RFTN2: variants seen among roughly 807,000 people sequenced by gnomAD.
RFTN2 encodes the protein raftlin-2.
Under a neutral mutation model 52.7 loss-of-function variants are expected in RFTN2, and 34 were observed. The ratio of observed to expected loss-of-function variants is 0.64; its 90% CI spans 0.49 to 0.86. RFTN2 has a LOEUF of 0.86. RFTN2 is among the 40% of genes least tolerant of loss of function. RFTN2 has a pLI of 0.00. For missense variants in RFTN2, 536 were observed against 600.1 expected (o/e 0.89, Z 1.12); for synonymous variants, 203 against 217.7 (o/e 0.93, Z 0.59).
At chr2:197,648,458 T>C (rs979096310) in intron 1 of RFTN2, among the ~76,000 whole-genome samples, 5 of 152,240 alleles carry the variant, frequency 3.3e-5, no homozygotes, top group African/African-American at 1.2e-4. Flanking sequence ...CAGCTCTGCT[T>C]GTTGGTGTGG....
chr2:197,591,913 C>T (rs1420969079), intron 8 of RFTN2, among the ~76,000 whole-genome samples: 1 of 149,784 alleles, frequency 6.7e-6, no homozygotes, highest in Non-Finnish European at 1.5e-5. Context: ...TGGTTCCTGC[C>T]CCGTGCCTCT....
chr2:197,648,797 T>C (rs539223124), intron 1 of RFTN2, among the ~76,000 whole-genome samples: 3 of 152,242 alleles, frequency 2.0e-5, no homozygotes, highest in Non-Finnish European at 4.4e-5. Context: ...TTTCTGAACC[T>C]GCCACTCTGT....
At chr2:197,665,437 G>A (rs974056339) in intron 1 of RFTN2, among the ~76,000 whole-genome samples, 1 of 148,858 alleles carries the variant, frequency 6.7e-6, no homozygotes, top group African/African-American at 2.5e-5. Flanking sequence ...GAATCTGGGT[G>A]CTCCAGTGTT....
intron 8 of RFTN2, among the ~76,000 whole-genome samples, chr2:197,580,086 T>G (rs780581617): frequency 2.5e-4 from 38 of 152,140 alleles, no homozygotes; most frequent in Non-Finnish European, 4.7e-4. Flanking sequence ...AACCCTTAGA[T>G]GCTTTACCGC....
chr2:197,648,884 C>T (rs2088788633), intron 1 of RFTN2, among the ~76,000 whole-genome samples: 1 of 152,160 alleles, frequency 6.6e-6, no homozygotes, highest in Admixed American at 6.5e-5. Flanking sequence ...GGCTGCATGT[C>T]CTTCTATTAG....
At chr2:197,626,614 C>CTTTTTTT (rs201711932) in intron 5 of RFTN2, among the ~76,000 whole-genome samples, 9 of 97,648 alleles carry the variant, frequency 9.2e-5, no homozygotes, top group African/African-American at 1.3e-4. Context: ...AAGGAATAAT[C>CTTTTTTT]TTCTTTTTTT....
At chr2:197,660,824 G>C (rs921920258) in intron 1 of RFTN2, among the ~76,000 whole-genome samples, 3 of 152,120 alleles carry the variant, frequency 2.0e-5, no homozygotes, top group African/African-American at 7.2e-5. Context: ...CTCCCAAAAT[G>C]CTGGGATTAC....
chr2:197,594,938 A>G (rs1266627237), intron 8 of RFTN2, among the ~76,000 whole-genome samples: 1 of 152,192 alleles, frequency 6.6e-6, no homozygotes, highest in African/African-American at 2.4e-5. Flanking sequence ...TCTTTTTTCA[A>G]ATCTCTGCAG....
At chr2:197,640,070 C>A (rs1202339147) in intron 3 of RFTN2, among the ~76,000 whole-genome samples, 9 of 152,192 alleles carry the variant, frequency 5.9e-5, no homozygotes, top group Non-Finnish European at 1.2e-4. Context: ...GGGTCAGGGA[C>A]CCACTTGAGG....
At chr2:197,590,628 G>A (rs1315065835) in intron 8 of RFTN2, among the ~76,000 whole-genome samples, 1 of 152,190 alleles carries the variant, frequency 6.6e-6, no homozygotes, top group Admixed American at 6.5e-5. Context: ...GGTTCTTAAA[G>A]GCGGCGTGTC....
At chr2:197,580,179 C>A (rs958604275) in intron 8 of RFTN2, among the ~76,000 whole-genome samples, 5 of 152,084 alleles carry the variant, frequency 3.3e-5, no homozygotes, top group Non-Finnish European at 7.4e-5. Context: ...TAAAAAAAAG[C>A]CCCCCAAATT....
Position 197,675,392 on chromosome 2 carries a change from G to A in RFTN2, c.67C>T (p.Leu23=). The A allele has an allele frequency of 1.2e-6, 2 of 1,605,480 alleles. No homozygotes were observed. Among genetic ancestry groups the A allele is most frequent in the Non-Finnish European group, 1.7e-6 (2 of 1,175,988 alleles). The change falls in exon 1 of 9, where the codon CTG becomes TTG. Residue 23 remains leucine, a synonymous_variant. Coordinates refer to ENST00000295049, the MANE Select transcript of RFTN2 (RefSeq NM_144629.3). The part of the protein sequence containing the change: ...DSSPGKIFST[L]KRPQVETKTE... ...TTTGTTTCCACTTGCGGTCTCTTCA[G>A]GGTAGAAAATATTTTTCCAGGGCTG...
rs146652977 is a variant in RFTN2, at chr2:197,598,781, G to T, written c.1155-2712C>A. Among the ~76,000 whole-genome samples, 12 of 152,296 alleles carry T rather than the reference G, an allele frequency of 7.9e-5. No individual in the cohort carries two copies. The East Asian group carries it at 2.3e-3, about 29-fold the overall frequency. ...CACCAGAAGAGACAGACTTGGAAGT[G>T]TGGACTTCTCAGGCCTTGGGGATTA... On this transcript the variant is annotated intron_variant, in intron 7 of 8. Transcript: ENST00000295049.
chr2:197,588,018 A>C (rs1364408211), intron 8 of RFTN2: 1 of 469,052 alleles, frequency 2.1e-6, no homozygotes, highest in African/African-American at 2.0e-5. Context: ...TGTCTTACCC[A>C]CATCTGCAAA....
chr2:197,589,672 T>G (rs950842217), intron 8 of RFTN2, among the ~76,000 whole-genome samples: 1 of 152,216 alleles, frequency 6.6e-6, no homozygotes, highest in Non-Finnish European at 1.5e-5. Context: ...TGGTGAGGTG[T>G]TCCAGTCTTT....
At chr2:197,631,399 C>T (rs189739540) in intron 4 of RFTN2, among the ~76,000 whole-genome samples, 179 bp from the exon 5 acceptor site, 3 of 152,170 alleles carry the variant, frequency 2.0e-5, no homozygotes, top group African/African-American at 4.8e-5. Flanking sequence ...GAAATGGATA[C>T]GGTTGAGGCT....
At position 197,573,271 on chromosome 2, in the gene RFTN2, T is replaced by C. The variant is rs192157380; in HGVS notation, c.1234-991A>G. On this transcript the variant is annotated intron_variant, in intron 8 of 8. Coordinates refer to ENST00000295049, the MANE Select transcript of RFTN2 (RefSeq NM_144629.3). ...TGAATGGCTTTGATCGAAATGCTTA[T>C]AGTGATATGGACAGTGAAGTCCAGG... Among the ~76,000 whole-genome samples, 11 of 152,306 alleles carry C rather than the reference T, an allele frequency of 7.2e-5. No homozygotes were observed. In the East Asian group the frequency reaches 2.1e-3, roughly 29 times the overall value.
chr2:197,647,125 C>G (rs1039071975), intron 1 of RFTN2, among the ~76,000 whole-genome samples: 1 of 152,046 alleles, frequency 6.6e-6, no homozygotes, highest in Non-Finnish European at 1.5e-5. Flanking sequence ...GACTATATTT[C>G]CATTAATAGA....
At chr2:197,596,618 T>A (rs527418168) in intron 7 of RFTN2, among the ~76,000 whole-genome samples, 14 of 152,330 alleles carry the variant, frequency 9.2e-5, no homozygotes, top group African/African-American at 3.1e-4. Context: ...GATGCTATTA[T>A]AAAAAATATG....
Sources: allele counts gnomAD v4.1 joint callset (sites outside exome capture counted in the v4.1 genomes callset), GRCh38; gene constraint gnomAD v4.1.1; transcripts MANE v1.5; gene names NCBI Gene and HGNC (gene_info 2026-07-23, HGNC 2026-07-21).